COL4A3: variants seen among roughly 807,000 people sequenced by gnomAD.
The protein encoded by COL4A3 is collagen alpha-3(IV) chain.
COL4A3 carries 135 observed loss-of-function variants against 217.4 expected under a neutral mutation model. That is an observed-to-expected ratio of 0.62 (90% confidence interval 0.54 to 0.72). The LOEUF (loss-of-function observed/expected upper bound fraction) is 0.72, where lower values mean the gene tolerates loss of function less well. COL4A3 is among the 30% of genes least tolerant of loss of function. The probability of loss-of-function intolerance (pLI) is 0.00; values close to 1 mark genes in which losing one functional copy is unlikely to be tolerated. For synonymous variants in COL4A3, 690 were observed against 736.3 expected, an observed-to-expected ratio of 0.94 and a Z score of 1.02; for missense variants, 1,868 against 2,119.9, an observed-to-expected ratio of 0.88 and a Z score of 2.33.
At chr2:227,224,892 T>C (rs990254265) in intron 1 of COL4A3, among the ~76,000 whole-genome samples, 29 of 152,244 alleles carry the variant, frequency 1.9e-4, no homozygotes, top group African/African-American at 6.8e-4. Flanking sequence ...AATTTTTATG[T>C]TTAGAAAAAG....
At position 227,203,212 on chromosome 2, in the gene COL4A3, C is replaced by T. The variant is rs143211785; in HGVS notation, c.88-34756C>T. ...GTATATATACATATATGTGTATATA[C>T]ACACATATATGTGTATATATGTGTA... On this transcript the variant is annotated intron_variant, in intron 1 of 51. Coordinates refer to ENST00000396578, the MANE Select transcript of COL4A3 (RefSeq NM_000091.5). Among the ~76,000 whole-genome samples, 27 of 6,992 alleles carry T rather than the reference C, an allele frequency of 3.9e-3. 6 individuals are homozygous for T. The highest frequency in any genetic ancestry group is 0.013 in the African/African-American group (11 of 854). 4.6% of individuals were successfully genotyped at this position (6,992 alleles called of 152,430 possible).
At chr2:227,277,053 C>T (rs2071610550) in intron 27 of COL4A3, among the ~76,000 whole-genome samples, 2 of 152,152 alleles carry the variant, frequency 1.3e-5, no homozygotes, top group Non-Finnish European at 2.9e-5. Context: ...GGCACGGTGG[C>T]TCACGCCTGT....
At chr2:227,209,222 A>C (rs906261712) in intron 1 of COL4A3, among the ~76,000 whole-genome samples, 2 of 152,204 alleles carry the variant, frequency 1.3e-5, no homozygotes, top group African/African-American at 4.8e-5. Flanking sequence ...ATTCCCTAAG[A>C]GTATGTGGCC....
chr2:227,290,044 G>T lies in COL4A3; in HGVS notation c.3026G>T (p.Gly1009Val). The T allele has an allele frequency of 6.2e-7, 1 of 1,614,180 alleles. No homozygotes were observed. The highest frequency in any genetic ancestry group is 8.5e-7 in the Non-Finnish European group (1 of 1,180,018). ...LGSTGNPGEPGLRGIPGSMGN... is the reference protein window; with the variant it reads ...LGSTGNPGEPVLRGIPGSMGN... The stretch of plus-strand genomic sequence containing the variant: ...AGCACTGGGAATCCTGGAGAACCAG[G>T]ACTGCGTGGTATACCAGGAAGCATG... The change falls in exon 36 of 52, where the codon GGA (glycine) becomes GTA (valine). Residue 1009 changes from glycine to valine, a missense_variant. Physicochemically the swap from Gly to Val is moderately radical, Grantham distance 109. Transcript: ENST00000396578.
At chr2:227,175,659 G>A (rs1310764244) in intron 1 of COL4A3, among the ~76,000 whole-genome samples, 8 of 152,156 alleles carry the variant, frequency 5.3e-5, no homozygotes, top group Non-Finnish European at 1.2e-4. Flanking sequence ...CAGAGGAGGT[G>A]GGTCTGTCGT....
rs75519005 is a variant in COL4A3, at chr2:227,283,825, C to T, written c.2715C>T (p.Pro905=). 3.4e-3 allele frequency: 5,453 copies of T among 1,614,046 alleles called. 145 individuals carry two copies. The African/African-American group carries it at 0.066, about 19-fold the overall frequency. Reference sequence around the variant, plus strand: ...CTGGAGCCATTGGCCCTCCAGGGCCCCCTGGGAACCCAGGCACACCAGGGC... The same window carrying T: ...CTGGAGCCATTGGCCCTCCAGGGCCTCCTGGGAACCCAGGCACACCAGGGC... ...GFPGAIGPPG[P]PGNPGTPGQR... Residue 905 remains proline (P), a synonymous_variant, in exon 33 of 52, where the codon CCC becomes CCT. Coordinates refer to ENST00000396578, the MANE Select transcript of COL4A3 (RefSeq NM_000091.5).
chr2:227,210,134 T>C (rs764391920), intron 1 of COL4A3, among the ~76,000 whole-genome samples: 1 of 152,216 alleles, frequency 6.6e-6, no homozygotes, highest in African/African-American at 2.4e-5. Context: ...TTTGGGACAT[T>C]GTTGAACCAA....
At chr2:227,206,491 A>G (rs2067106625) in intron 1 of COL4A3, among the ~76,000 whole-genome samples, 1 of 152,204 alleles carries the variant, frequency 6.6e-6, no homozygotes, top group African/African-American at 2.4e-5. Context: ...GAGGAGAGGG[A>G]AGGAAGGACA....
At chr2:227,178,109 T>A (rs539832255) in intron 1 of COL4A3, among the ~76,000 whole-genome samples, 8 of 152,170 alleles carry the variant, frequency 5.3e-5, no homozygotes, top group Non-Finnish European at 1.0e-4. Flanking sequence ...GCATGCTGAC[T>A]CACACCTGGA....
chr2:227,225,699 C>T (rs1263618828), intron 1 of COL4A3, among the ~76,000 whole-genome samples: 2 of 137,752 alleles, frequency 1.5e-5, no homozygotes, highest in African/African-American at 2.8e-5. Context: ...AAGGGAACAG[C>T]TTTTTCTTTC....
At chr2:227,251,801 G>C (rs956501445) in intron 11 of COL4A3, among the ~76,000 whole-genome samples, 1 of 152,132 alleles carries the variant, frequency 6.6e-6, no homozygotes, top group African/African-American at 2.4e-5. Flanking sequence ...AGGCGCATTG[G>C]TTCACACCTG....
chr2:227,263,093 G>C (rs1279988802), intron 20 of COL4A3, among the ~76,000 whole-genome samples: 7 of 148,190 alleles, frequency 4.7e-5, no homozygotes, highest in East Asian at 2.0e-4. Context: ...AGTAAAATAT[G>C]ATTAAAAAAA....
chr2:227,304,256 A>T, intron 46 of COL4A3, 112 bp downstream of exon 46: 2 of 1,396,810 alleles, frequency 1.4e-6, no homozygotes, highest in Non-Finnish European at 2.0e-6. Context: ...TGAACATGAT[A>T]GTGGTTTTCA....
intron 47 of COL4A3, among the ~76,000 whole-genome samples, chr2:227,306,827 G>A (rs2073522609): frequency 6.6e-6 from 1 of 152,172 alleles, no homozygotes; most frequent in South Asian, 2.1e-4. Context: ...TGTTTTCTCT[G>A]TGATTCCTTA....
Position 227,311,006 on chromosome 2 carries a change from T to C in COL4A3, c.4928+58T>C, listed in dbSNP as rs2073720692. The C allele has an allele frequency of 3.8e-6, 6 of 1,598,086 alleles. No individual in the cohort carries two copies. The South Asian group carries it at 6.6e-5, about 18-fold the overall frequency. On this transcript the variant is annotated intron_variant, in intron 51 of 51. Coordinates refer to ENST00000396578, the MANE Select transcript of COL4A3 (RefSeq NM_000091.5). The stretch of plus-strand genomic sequence containing the variant: ...CTCAATTGCAGAACTATTCAAAGGT[T>C]GCCTGTGTTCTTGGGTCAACGAGTA...
intron 1 of COL4A3, among the ~76,000 whole-genome samples, chr2:227,227,321 G>A (rs2068151906): frequency 6.6e-6 from 1 of 152,178 alleles, no homozygotes; most frequent in Non-Finnish European, 1.5e-5. Context: ...TACAGGCCGG[G>A]CACGCTGGCT....
In COL4A3 at chr2:227,245,951, C is replaced by A. The variant is rs2069311791; in HGVS notation, c.325-3C>A. On this transcript the variant is annotated splice_region_variant and splice_polypyrimidine_tract_variant and intron_variant, in intron 5 of 51. Transcript: ENST00000396578. ...TCCTCATTGAGACTTGTTCTTCTTCCAGGGCACCCCAGGCAATACCGGGCC... is the reference window on the plus strand; with the variant it reads ...TCCTCATTGAGACTTGTTCTTCTTCAAGGGCACCCCAGGCAATACCGGGCC... 1 of 1,613,410 alleles carries A rather than the reference C, an allele frequency of 6.2e-7. No individual in the cohort carries two copies. The highest frequency in any genetic ancestry group is 1.3e-5 in the African/African-American group (1 of 74,886).
At chr2:227,201,717 T>A (rs2066694102) in intron 1 of COL4A3, among the ~76,000 whole-genome samples, 1 of 152,212 alleles carries the variant, frequency 6.6e-6, no homozygotes, top group African/African-American at 2.4e-5. Flanking sequence ...GGATTCTGAA[T>A]GGAACGAGAG....
At chr2:227,202,341 C>A (rs866944993) in intron 1 of COL4A3, among the ~76,000 whole-genome samples, 1 of 152,114 alleles carries the variant, frequency 6.6e-6, no homozygotes, top group Non-Finnish European at 1.5e-5. Flanking sequence ...CCATTTCCAA[C>A]TATAGGTGTT....
Sources: gnomAD v4.1 joint callset for allele counts (sites outside exome capture counted in the v4.1 genomes callset) on GRCh38, gnomAD v4.1.1 for gene constraint, MANE v1.5 for transcripts, NCBI Gene and HGNC (gene_info 2026-07-23, HGNC 2026-07-21) for gene names.